PIP4K2A: variants seen among roughly 807,000 people sequenced by gnomAD.
The protein encoded by PIP4K2A is phosphatidylinositol-5-phosphate 4-kinase type 2 alpha.
In PIP4K2A, 14 loss-of-function variants were observed where a neutral mutation model predicts 42.9. The ratio of observed to expected loss-of-function variants is 0.33; its 90% CI spans 0.22 to 0.51. PIP4K2A has a LOEUF of 0.51. PIP4K2A is among the 20% of genes least tolerant of loss of function. PIP4K2A has a pLI of 0.97. For synonymous variants in PIP4K2A, 192 were observed against 192.2 expected, an observed-to-expected ratio of 1.00 and a Z score of 0.01; for missense variants, 434 against 519.8, an observed-to-expected ratio of 0.83 and a Z score of 1.61.
Position 22,575,481 on chromosome 10 carries a change from C to G in PIP4K2A, c.493-2024G>C, listed in dbSNP as rs537660171. Among the ~76,000 whole-genome samples, 13 of 152,288 alleles carry G rather than the reference C, an allele frequency of 8.5e-5. No individual in the cohort carries two copies. The East Asian group carries it at 2.5e-3, about 29-fold the overall frequency. ...AGCTATGTCTCACAGCGACAAAGAA[C>G]CATTATTCATGCTACAAATATGGTC... On this transcript the variant is annotated intron_variant, in intron 4 of 9. Coordinates refer to ENST00000376573, the MANE Select transcript of PIP4K2A (RefSeq NM_005028.5).
chr10:22,549,353 T>G (rs1444510570), intron 7 of PIP4K2A, among the ~76,000 whole-genome samples: 1 of 146,420 alleles, frequency 6.8e-6, no homozygotes, highest in Admixed American at 6.8e-5. Context: ...TTCTTTTTCT[T>G]TTTTTTTTTT....
intron 1 of PIP4K2A, among the ~76,000 whole-genome samples, chr10:22,691,182 G>A (rs1247388663): frequency 6.6e-6 from 1 of 152,164 alleles, no homozygotes; most frequent in African/African-American, 2.4e-5. Flanking sequence ...TGCAATTCAG[G>A]ATGGCATCTG....
intron 1 of PIP4K2A, among the ~76,000 whole-genome samples, chr10:22,645,680 T>A (rs534073254): frequency 6.6e-6 from 1 of 151,214 alleles, no homozygotes; most frequent in South Asian, 2.1e-4. Context: ...ATGAAGATAG[T>A]ACTTAATTTT....
At chr10:22,659,384 G>A (rs1018047332) in intron 1 of PIP4K2A, among the ~76,000 whole-genome samples, 1 of 152,182 alleles carries the variant, frequency 6.6e-6, no homozygotes, top group South Asian at 2.1e-4. Context: ...CACCTGAGCA[G>A]GAGTTTGAGA....
intron 6 of PIP4K2A, 111 bp from the exon 7 acceptor site, chr10:22,550,883 C>T: frequency 1.4e-6 from 1 of 697,924 alleles, no homozygotes; most frequent in South Asian, 1.6e-5. Context: ...CGCCCCCACC[C>T]CGTTCACCAC....
At chr10:22,570,874 C>G (rs1836968615) in intron 5 of PIP4K2A, among the ~76,000 whole-genome samples, 1 of 151,920 alleles carries the variant, frequency 6.6e-6, no homozygotes, top group African/African-American at 2.4e-5. Flanking sequence ...CCAGCACCAT[C>G]TAAGAAACCC....
At chr10:22,679,659 GTCCA>G (rs1239603737) in intron 1 of PIP4K2A, among the ~76,000 whole-genome samples, 2 of 152,154 alleles carry the variant, frequency 1.3e-5, no homozygotes, top group Non-Finnish European at 2.9e-5. Flanking sequence ...CAATCCAAAG[GTCCA>G]TTAATGGGTG....
chr10:22,630,062 C>T (rs780722251), intron 1 of PIP4K2A, among the ~76,000 whole-genome samples: 34 of 151,934 alleles, frequency 2.2e-4, no homozygotes, highest in Non-Finnish European at 5.0e-4. Flanking sequence ...CAAGGCCAGG[C>T]GCAGTAGCTC....
At chr10:22,656,745 C>T (rs914203862) in intron 1 of PIP4K2A, among the ~76,000 whole-genome samples, 3 of 149,246 alleles carry the variant, frequency 2.0e-5, no homozygotes, top group East Asian at 3.9e-4. Context: ...TGCAGTGAGC[C>T]GAGATCGTGC....
chr10:22,689,997 A>AC (rs1839831642), intron 1 of PIP4K2A, among the ~76,000 whole-genome samples: 1 of 152,216 alleles, frequency 6.6e-6, no homozygotes, highest in East Asian at 1.9e-4. Context: ...GGGAAAAAAA[A>AC]ATCCTTATAA....
chr10:22,704,041 T>C (rs1176580358), intron 1 of PIP4K2A, among the ~76,000 whole-genome samples: 1 of 152,112 alleles, frequency 6.6e-6, no homozygotes, highest in Non-Finnish European at 1.5e-5. Flanking sequence ...TAGTTATTCA[T>C]GTGAAGATAC....
chr10:22,679,444 T>C (rs117577153), intron 1 of PIP4K2A, among the ~76,000 whole-genome samples: 3,022 of 152,314 alleles, frequency 0.02, 45 homozygotes, highest in Middle Eastern at 0.051. Context: ...GCAGTGAAAT[T>C]AGAAACTTCA....
chr10:22,537,404 GC>G (rs1418463323), intron 9 of PIP4K2A, 123 bp from the exon 10 acceptor site: 2 of 711,584 alleles, frequency 2.8e-6, no homozygotes, highest in African/African-American at 3.6e-5. Context: ...TCAAATCCAT[GC>G]AGTCTCTGCT....
chr10:22,689,750 C>G (rs765970440), intron 1 of PIP4K2A, among the ~76,000 whole-genome samples: 1 of 152,176 alleles, frequency 6.6e-6, no homozygotes, highest in Non-Finnish European at 1.5e-5. Context: ...ATAATGCATA[C>G]AGGTATTACT....
intron 1 of PIP4K2A, among the ~76,000 whole-genome samples, chr10:22,643,286 T>G (rs1838816296): frequency 6.6e-6 from 1 of 152,208 alleles, no homozygotes; most frequent in Non-Finnish European, 1.5e-5. Context: ...AATAACGTTT[T>G]ATTGGAACAG....
At chr10:22,689,009 T>C (rs1333881018) in intron 1 of PIP4K2A, among the ~76,000 whole-genome samples, 1 of 152,204 alleles carries the variant, frequency 6.6e-6, no homozygotes, top group African/African-American at 2.4e-5. Flanking sequence ...TAAAGATTCA[T>C]TTGTCTGTCA....
intron 3 of PIP4K2A, among the ~76,000 whole-genome samples, chr10:22,594,282 T>C (rs1329773387): frequency 1.3e-5 from 2 of 152,260 alleles, no homozygotes; most frequent in Non-Finnish European, 2.9e-5. Context: ...ACACCTCTAG[T>C]TCGATTAAAA....
In PIP4K2A at chr10:22,666,649, C is replaced by T. The variant is rs572289394; in HGVS notation, c.144+47534G>A. 3.9e-5 allele frequency among the ~76,000 whole-genome samples: 6 copies of T among 152,276 alleles called. No homozygotes were observed. The East Asian group carries it at 1.2e-3, about 29-fold the overall frequency. ...AAATGCTTTCTTCAGCCTGCACAAA[C>T]CCCAACTGCGGTTCTTCTTAAGTTC... On this transcript the variant is annotated intron_variant, in intron 1 of 9. Coordinates refer to ENST00000376573, the MANE Select transcript of PIP4K2A (RefSeq NM_005028.5).
chr10:22,542,905 A>G (rs757456363), intron 7 of PIP4K2A, among the ~76,000 whole-genome samples: 24 of 152,054 alleles, frequency 1.6e-4, no homozygotes, highest in Non-Finnish European at 2.8e-4. Flanking sequence ...CTGGCTCTGC[A>G]CAGGATCCTG....
Sources: allele counts gnomAD v4.1 joint callset (sites outside exome capture counted in the v4.1 genomes callset), GRCh38; gene constraint gnomAD v4.1.1; transcripts MANE v1.5; gene names NCBI Gene and HGNC (gene_info 2026-07-23, HGNC 2026-07-21).